OSBPL10: variants seen among roughly 807,000 people sequenced by gnomAD.
OSBPL10 encodes the protein oxysterol binding protein like 10, also known as oxysterol-binding protein-related protein 10.
OSBPL10 carries 49 observed loss-of-function variants against 81.7 expected under a neutral mutation model. The ratio of observed to expected loss-of-function variants is 0.60; its 90% CI spans 0.48 to 0.76. The LOEUF (loss-of-function observed/expected upper bound fraction) is 0.76. Ranked by LOEUF, OSBPL10 falls within the 30% of genes least tolerant of loss-of-function variation. OSBPL10 has a pLI of 0.00. For missense variants in OSBPL10, 923 were observed against 987.8 expected, an observed-to-expected ratio of 0.93 and a Z score of 0.88; for synonymous variants, 419 against 383.6, an observed-to-expected ratio of 1.09 and a Z score of -1.08.
At chr3:31,814,899 C>T (rs1356148265) in intron 4 of OSBPL10, among the ~76,000 whole-genome samples, 2 of 152,170 alleles carry the variant, frequency 1.3e-5, no homozygotes, top group African/African-American at 4.8e-5. Context: ...ATTCTTTGCT[C>T]TCTTGCCCCT....
intron 2 of OSBPL10, among the ~76,000 whole-genome samples, chr3:32,023,061 T>G (rs961449299): frequency 6.6e-6 from 1 of 152,190 alleles, no homozygotes; most frequent in Non-Finnish European, 1.5e-5. Context: ...AAACATCTCC[T>G]GACTTTAGCT....
Position 31,805,003 on chromosome 3 carries a change from T to C in OSBPL10, c.729+25037A>G, listed in dbSNP as rs146331723. Among the ~76,000 whole-genome samples the C allele has an allele frequency of 7.7e-3, 1,173 of 152,318 alleles. 7 individuals carry two copies. Among genetic ancestry groups the C allele is most frequent in the Middle Eastern group, 0.017 (5 of 294 alleles). On this transcript the variant is annotated intron_variant, in intron 4 of 11. Coordinates refer to ENST00000396556, the MANE Select transcript of OSBPL10 (RefSeq NM_017784.5). ...TATTACACCTGGCTTTCCCTATGGT[T>C]TTCAAAATCATTGACAAAATTCGTA...
At chr3:31,730,880 C>T (rs1264890348) in intron 6 of OSBPL10, among the ~76,000 whole-genome samples, 1 of 152,174 alleles carries the variant, frequency 6.6e-6, no homozygotes. Context: ...AGTTACACGA[C>T]CATAATAACC....
At chr3:31,810,978 C>T (rs1699664105) in intron 4 of OSBPL10, among the ~76,000 whole-genome samples, 2 of 152,150 alleles carry the variant, frequency 1.3e-5, no homozygotes, top group Non-Finnish European at 2.9e-5. Flanking sequence ...GCGAGAGTGT[C>T]GAGTGCTAAG....
chr3:31,835,915 T>G (rs183289448), intron 3 of OSBPL10, among the ~76,000 whole-genome samples: 7 of 152,260 alleles, frequency 4.6e-5, no homozygotes, highest in Admixed American at 2.6e-4. Flanking sequence ...ACTTTCCTGA[T>G]AGTCAACCTC....
intron 1 of OSBPL10, among the ~76,000 whole-genome samples, chr3:31,905,805 T>C (rs917619819): frequency 4.0e-5 from 6 of 149,146 alleles, no homozygotes; most frequent in African/African-American, 1.5e-4. Context: ...AAAAAAAATA[T>C]AAGACTTCTT....
chr3:32,026,057 T>TAATA (rs58717718), intron 2 of OSBPL10, among the ~76,000 whole-genome samples: 1 of 111,232 alleles, frequency 9.0e-6, no homozygotes, highest in African/African-American at 3.4e-5. Context: ...GATAGATAGA[T>TAATA]GATAGATAGA....
At chr3:31,700,238 G>C (rs1191572825) in intron 7 of OSBPL10, 1 of 152,178 alleles carries the variant, frequency 6.6e-6, no homozygotes, top group African/African-American at 2.4e-5. Context: ...TTCAAGAAGA[G>C]GCTGTGGCTC....
At chr3:31,856,238 T>C (rs72850564) in intron 3 of OSBPL10, among the ~76,000 whole-genome samples, 1,775 of 152,144 alleles carry the variant, frequency 0.012, 30 homozygotes, top group African/African-American at 0.04. Flanking sequence ...TGCAAAATTG[T>C]TGCACTTTAT....
At chr3:31,765,103 T>A (rs1477098771) in intron 4 of OSBPL10, among the ~76,000 whole-genome samples, 4 of 152,244 alleles carry the variant, frequency 2.6e-5, no homozygotes, top group South Asian at 4.1e-4. Flanking sequence ...CTGCAACCTC[T>A]GCCTCCTGGC....
At chr3:31,967,395 G>A (rs1400090090) in intron 1 of OSBPL10, among the ~76,000 whole-genome samples, 2 of 151,978 alleles carry the variant, frequency 1.3e-5, no homozygotes, top group South Asian at 2.1e-4. Flanking sequence ...CAGGAGGATC[G>A]CTTGAACCCA....
intron 4 of OSBPL10, among the ~76,000 whole-genome samples, chr3:31,776,241 G>A (rs1227717816): frequency 6.6e-6 from 1 of 152,106 alleles, no homozygotes. Flanking sequence ...TACTCATGAG[G>A]GATGTGCAAA....
intron 1 of OSBPL10, among the ~76,000 whole-genome samples, chr3:32,074,208 T>G (rs1410323171): frequency 6.6e-6 from 1 of 152,188 alleles, no homozygotes; most frequent in Non-Finnish European, 1.5e-5. Flanking sequence ...TAGACAGATT[T>G]GGTGAGAACT....
rs1699411982 is a variant in OSBPL10, at chr3:32,026,238, G to C, written n.298+20253C>G. Among the ~76,000 whole-genome samples, 3 of 152,052 alleles carry C rather than the reference G, an allele frequency of 2.0e-5. No homozygotes were observed. In the South Asian group the frequency reaches 6.2e-4, roughly 32 times the overall value. ...CTGTAACCTTAAACTGCTAGGCTCA[G>C]TGGTCCTCCTGCCTCAACCTCCCAA... On this transcript the variant is annotated intron_variant and non_coding_transcript_variant, in intron 2 of 3. Coordinates refer to the OSBPL10 transcript ENST00000479173.
chr3:31,906,476 C>T (rs768305855), intron 1 of OSBPL10, among the ~76,000 whole-genome samples: 5 of 152,180 alleles, frequency 3.3e-5, no homozygotes, highest in Admixed American at 1.3e-4. Flanking sequence ...TGTATCCTTT[C>T]ATTATCATCC....
At chr3:31,694,370 CAAAAAAAA>C (rs747631578) in intron 7 of OSBPL10, among the ~76,000 whole-genome samples, 1 of 62,828 alleles carries the variant, frequency 1.6e-5, no homozygotes, top group Admixed American at 2.7e-4. Flanking sequence ...GACTCTGTCT[CAAAAAAAA>C]AAAAAAAAAA....
intron 6 of OSBPL10, among the ~76,000 whole-genome samples, chr3:31,704,448 C>G (rs550634740): frequency 6.6e-6 from 1 of 152,332 alleles, no homozygotes; most frequent in East Asian, 1.9e-4. Flanking sequence ...GAGGGTAGTG[C>G]CTGGGCATTC....
intron 6 of OSBPL10, among the ~76,000 whole-genome samples, chr3:31,705,783 G>A (rs17028033): frequency 0.039 from 5,896 of 152,142 alleles, 390 homozygotes; most frequent in African/African-American, 0.14. Context: ...GAATCTCTGC[G>A]AATTTTCACT....
rs1303207402 is a variant in OSBPL10, at chr3:31,733,385, T to G, written c.967A>C (p.Lys323Gln). The change falls in exon 6 of 12, where the codon AAG becomes CAG. Residue 323 changes from lysine to glutamine, a missense_variant. Coordinates refer to ENST00000396556, the MANE Select transcript of OSBPL10 (RefSeq NM_017784.5). Reference protein sequence around the residue: ...SENILGWHGSKSHSTEQLKNG... With the variant: ...SENILGWHGSQSHSTEQLKNG... Reference sequence around the variant, plus strand: ...TTCAGCTGCTCTGTGGAATGTGACTTGGACCCGTGCCATCCCAGGATGTTT... The same window carrying G: ...TTCAGCTGCTCTGTGGAATGTGACTGGGACCCGTGCCATCCCAGGATGTTT... 1 of 1,614,234 alleles carries G rather than the reference T, an allele frequency of 6.2e-7. No individual in the cohort carries two copies. Among genetic ancestry groups the G allele is most frequent in the South Asian group, 1.1e-5 (1 of 91,084 alleles).
Sources: allele counts gnomAD v4.1 joint callset (sites outside exome capture counted in the v4.1 genomes callset), GRCh38; gene constraint gnomAD v4.1.1; transcripts MANE v1.5; gene names NCBI Gene and HGNC (gene_info 2026-07-23, HGNC 2026-07-21).